Variants in EIF2AK2 observed in about 807,000 individuals in gnomAD.
The protein encoded by EIF2AK2 is eukaryotic translation initiation factor 2 alpha kinase 2.
EIF2AK2 carries 40 observed loss-of-function variants against 70.5 expected under a neutral mutation model. That is an observed-to-expected ratio of 0.57 (90% CI 0.44 to 0.74). The LOEUF (loss-of-function observed/expected upper bound fraction) is 0.74. EIF2AK2 is among the 30% of genes least tolerant of loss of function. EIF2AK2 has a pLI of 0.00. For synonymous variants in EIF2AK2, 198 were observed against 220.9 expected (o/e 0.90, Z 0.92); for missense variants, 555 against 644.3 (o/e 0.86, Z 1.50).
At chr2:37,129,190 T>A (rs988752854) in intron 10 of EIF2AK2, among the ~76,000 whole-genome samples, 1 of 152,090 alleles carries the variant, frequency 6.6e-6, no homozygotes, top group Non-Finnish European at 1.5e-5. Flanking sequence ...AACATCTCCA[T>A]TTAAAATACC....
chr2:37,127,041 G>A (rs1674765697), intron 10 of EIF2AK2, among the ~76,000 whole-genome samples: 1 of 131,916 alleles, frequency 7.6e-6, no homozygotes, highest in Non-Finnish European at 1.6e-5. Flanking sequence ...AATGTTCAAA[G>A]GAACTGCTAT....
Position 37,138,307 on chromosome 2 carries a change from G to C in EIF2AK2, c.650C>G (p.Ser217Cys), listed in dbSNP as rs372927806. ...AGAACTGTTTAAACTGTCACTGTTA[G>C]AATTTATCTCTGATGTATCTGCTGA... ...DFSADTSEIN[S>C]NSDSLNSSSL... Residue 217 changes from serine to cysteine, a missense_variant, in exon 8 of 17, where the codon TCT becomes TGT. By Grantham distance (112) the Ser-to-Cys change is moderately radical (BLOSUM62 -1). Coordinates refer to ENST00000233057, the MANE Select transcript of EIF2AK2 (RefSeq NM_001135651.3). 2 of 1,613,926 alleles carry C rather than the reference G, an allele frequency of 1.2e-6. No individual in the cohort carries two copies. The highest frequency in any genetic ancestry group is 1.7e-6 in the Non-Finnish European group (2 of 1,179,928).
At chr2:37,111,956 T>G (rs1239698282) in intron 14 of EIF2AK2, among the ~76,000 whole-genome samples, 1 of 144,116 alleles carries the variant, frequency 6.9e-6, no homozygotes, top group Non-Finnish European at 1.5e-5. Flanking sequence ...TATATATATA[T>G]AGATTTTGAA....
chr2:37,154,985 G>C (rs530626705), intron 1 of EIF2AK2, among the ~76,000 whole-genome samples: 1 of 149,966 alleles, frequency 6.7e-6, no homozygotes, highest in South Asian at 2.1e-4. Context: ...CTCTTTTCTA[G>C]ATATTCTAGC....
At chr2:37,143,938 A>C (rs1019667481) in intron 4 of EIF2AK2, among the ~76,000 whole-genome samples, 1 of 152,162 alleles carries the variant, frequency 6.6e-6, no homozygotes, top group African/African-American at 2.4e-5. Context: ...TTTACATTGT[A>C]TTAGAGATAT....
chr2:37,111,878 A>AATATATATAT (rs869140054), intron 14 of EIF2AK2, among the ~76,000 whole-genome samples: 1 of 69,126 alleles, frequency 1.4e-5, no homozygotes, highest in African/African-American at 6.2e-5. Flanking sequence ...AAAAAAAAAA[A>AATATATATAT]ATATATATAT....
intron 4 of EIF2AK2, among the ~76,000 whole-genome samples, chr2:37,143,470 C>A (rs1336829307): frequency 6.6e-6 from 1 of 152,138 alleles, no homozygotes; most frequent in Non-Finnish European, 1.5e-5. Context: ...CCACGGGTTT[C>A]AAATCCCTGG....
At chr2:37,143,443 C>T (rs990803106) in intron 4 of EIF2AK2, among the ~76,000 whole-genome samples, 1 of 152,138 alleles carries the variant, frequency 6.6e-6, no homozygotes, top group African/African-American at 2.4e-5. Flanking sequence ...TCTCTGTAAA[C>T]ACTTGGCTCG....
intron 1 of EIF2AK2, among the ~76,000 whole-genome samples, chr2:37,152,359 G>A (rs995869219): frequency 6.6e-6 from 1 of 152,070 alleles, no homozygotes; most frequent in Non-Finnish European, 1.5e-5. Context: ...TCAGCTCACT[G>A]CAGCATCTGC....
At position 37,141,596 on chromosome 2, in the gene EIF2AK2, C is replaced by T. The variant is rs1216597650; in HGVS notation, c.346G>A (p.Val116Ile). 2 of 1,614,090 alleles carry T rather than the reference C, an allele frequency of 1.2e-6. No individual in the cohort carries two copies. Among genetic ancestry groups the T allele is most frequent in the Admixed American group, 3.3e-5 (2 of 60,014 alleles). The change falls in exon 5 of 17, where the codon GTA (valine) becomes ATA (isoleucine). Residue 116 changes from valine to isoleucine, a missense_variant. Coordinates refer to ENST00000233057, the MANE Select transcript of EIF2AK2 (RefSeq NM_001135651.3). ...NRIAQKKRLTVNYEQCASGVH... is the reference protein window; with the variant it reads ...NRIAQKKRLTINYEQCASGVH... ...CCCGATGCACACTGTTCATAATTTA[C>T]AGTTAGTCTTTTCTTCTGGGCAATT...
chr2:37,130,259 G>A (rs946145574), intron 10 of EIF2AK2, among the ~76,000 whole-genome samples: 1 of 152,020 alleles, frequency 6.6e-6, no homozygotes, highest in Non-Finnish European at 1.5e-5. Flanking sequence ...GTGCCACCAT[G>A]CCCAACTAAT....
chr2:37,139,655 C>G lies in EIF2AK2; in HGVS notation c.492G>C (p.Gln164His), dbSNP rs767625913. 6 of 1,613,998 alleles carry G rather than the reference C, an allele frequency of 3.7e-6. No individual in the cohort carries two copies. The highest frequency in any genetic ancestry group is 4.5e-5 in the East Asian group (2 of 44,854). The change falls in exon 6 of 17, where the codon CAG (glutamine) becomes CAC (histidine). Residue 164 changes from glutamine to histidine, a missense_variant. Coordinates refer to ENST00000233057, the MANE Select transcript of EIF2AK2 (RefSeq NM_001135651.3). ...KQLAAKLAYL[Q>H]ILSEETSVKS... ...CCACTGAGGTTTCTTCTGATAATATCTGAAGATATGCAAGTTTAGCGGCCA... is the reference window on the plus strand; with the variant it reads ...CCACTGAGGTTTCTTCTGATAATATGTGAAGATATGCAAGTTTAGCGGCCA...
At position 37,106,869 on chromosome 2, in the gene EIF2AK2, C is replaced by G. The variant is rs992344172; in HGVS notation, c.*404G>C. 1.9e-5 allele frequency: 3 copies of G among 157,170 alleles called. No homozygotes were observed. Among genetic ancestry groups the G allele is most frequent in the African/African-American group, 7.3e-5 (3 of 41,322 alleles). 9.7% of individuals were successfully genotyped at this position (157,170 alleles called of 1,614,324 possible). On this transcript the variant is annotated 3_prime_UTR_variant, in exon 17 of 17. Transcript: ENST00000233057. Reference sequence around the variant, plus strand: ...GACCAGCCTGGCCAACATGGTGAAACCCTGTCTTTATTAAAAACACAAAAA... The same window carrying G: ...GACCAGCCTGGCCAACATGGTGAAAGCCTGTCTTTATTAAAAACACAAAAA...
intron 1 of EIF2AK2, among the ~76,000 whole-genome samples, chr2:37,151,073 G>C (rs1372793653): frequency 6.6e-6 from 1 of 152,108 alleles, no homozygotes; most frequent in Non-Finnish European, 1.5e-5. Flanking sequence ...AAGAGCACAA[G>C]CAACAAAAGA....
At chr2:37,128,946 C>G (rs1042820680) in intron 10 of EIF2AK2, among the ~76,000 whole-genome samples, 6 of 152,174 alleles carry the variant, frequency 3.9e-5, no homozygotes, top group African/African-American at 1.2e-4. Flanking sequence ...TAAAACCCTG[C>G]CCTTTTCTTA....
intron 11 of EIF2AK2, among the ~76,000 whole-genome samples, chr2:37,123,037 G>A (rs1003216896): frequency 3.3e-5 from 5 of 151,812 alleles, no homozygotes; most frequent in Admixed American, 1.3e-4. Flanking sequence ...GCACAGTGGC[G>A]CATGTCTGTA....
At chr2:37,133,638 C>T (rs1166776666) in intron 10 of EIF2AK2, among the ~76,000 whole-genome samples, 4 of 152,222 alleles carry the variant, frequency 2.6e-5, no homozygotes, top group Admixed American at 2.6e-4. Context: ...AAACCACCTT[C>T]AGCCTCTCTT....
rs140602720 is a variant in EIF2AK2, at chr2:37,126,559, G to A, written c.786-148C>T. Reference sequence around the variant, plus strand: ...CTTCTGAATAAGAAAGATCCACTTGGCAGAAACTCTTGACTCACAAAGAGT... The same window carrying A: ...CTTCTGAATAAGAAAGATCCACTTGACAGAAACTCTTGACTCACAAAGAGT... On this transcript the variant is annotated intron_variant, in intron 10 of 16. Transcript: ENST00000233057. 1.9e-3 allele frequency: 2,390 copies of A among 1,254,832 alleles called. 5 individuals carry two copies. The highest frequency in any genetic ancestry group is 4.9e-3 in the South Asian group (294 of 59,806). 77.7% of individuals were successfully genotyped at this position (1,254,832 alleles called of 1,614,324 possible).
chr2:37,124,143 T>A (rs1005669066), intron 11 of EIF2AK2, among the ~76,000 whole-genome samples: 12 of 151,958 alleles, frequency 7.9e-5, no homozygotes, highest in African/African-American at 2.4e-4. Context: ...AGTTTTTATA[T>A]TTTTTGTAGA....
Sources: gnomAD v4.1 joint callset for allele counts (sites outside exome capture counted in the v4.1 genomes callset) on GRCh38, gnomAD v4.1.1 for gene constraint, MANE v1.5 for transcripts, NCBI Gene and HGNC (gene_info 2026-07-23, HGNC 2026-07-21) for gene names.